The following ADGB variants were observed in gnomAD, a reference collection of about 807,000 sequenced individuals.
The protein encoded by ADGB is androglobin, also known as calpain-7-like protein.
Under a neutral mutation model 210.5 loss-of-function variants are expected in ADGB, and 172 were observed. The observed-to-expected ratio is 0.82, with a 90% CI of 0.72 to 0.93. ADGB has a LOEUF of 0.93. Among genes scored for constraint, ADGB ranks in the 40% least tolerant of loss-of-function variants. The pLI is 0.00. For missense variants in ADGB, 2,025 were observed against 1,964.8 expected (o/e 1.03, Z -0.58); for synonymous variants, 658 against 662.7 (o/e 0.99, Z 0.11).
chr6:146,617,779 T>C (rs1463045050), intron 1 of ADGB, among the ~76,000 whole-genome samples: 1 of 152,134 alleles, frequency 6.6e-6, no homozygotes, highest in Non-Finnish European at 1.5e-5. Flanking sequence ...CAAGCATCCC[T>C]GGGCTGAATC....
intron 9 of ADGB, among the ~76,000 whole-genome samples, chr6:146,684,458 C>A (rs1562273665): frequency 6.6e-6 from 1 of 151,982 alleles, no homozygotes; most frequent in Non-Finnish European, 1.5e-5. Context: ...AGTAACTGGA[C>A]TGTAAATTAC....
intron 8 of ADGB, among the ~76,000 whole-genome samples, chr6:146,675,510 A>G (rs1449892276): frequency 6.6e-6 from 1 of 151,920 alleles, no homozygotes; most frequent in Non-Finnish European, 1.5e-5. Flanking sequence ...AAACATGTCT[A>G]TTTTGGATGT....
At chr6:146,812,053 C>A (rs373286109) in intron 35 of ADGB, among the ~76,000 whole-genome samples, 2 of 139,740 alleles carry the variant, frequency 1.4e-5, no homozygotes, top group African/African-American at 5.2e-5. Context: ...CTGATAGTTT[C>A]TTTGTAGCTT....
At chr6:146,766,527 A>G (rs1251053583) in intron 28 of ADGB, among the ~76,000 whole-genome samples, 1 of 151,854 alleles carries the variant, frequency 6.6e-6, no homozygotes, top group Non-Finnish European at 1.5e-5. Flanking sequence ...AGGGTGGGGG[A>G]GAGGAGAAAT....
At chr6:146,643,380 C>A (rs1342185191) in intron 2 of ADGB, among the ~76,000 whole-genome samples, 2 of 151,794 alleles carry the variant, frequency 1.3e-5, no homozygotes, top group Non-Finnish European at 2.9e-5. Flanking sequence ...TTCTTCCTGT[C>A]CTTATTAACT....
At chr6:146,625,335 G>C (rs749991746) in intron 1 of ADGB, among the ~76,000 whole-genome samples, 1 of 151,870 alleles carries the variant, frequency 6.6e-6, no homozygotes, top group Non-Finnish European at 1.5e-5. Context: ...TTTATTACTG[G>C]TAATATTCTT....
intron 35 of ADGB, among the ~76,000 whole-genome samples, chr6:146,807,144 TAAA>T (rs745894150): frequency 6.6e-6 from 1 of 152,096 alleles, no homozygotes; most frequent in Admixed American, 6.6e-5. Flanking sequence ...ATACCTTTGG[TAAA>T]AAAAAGTATG....
At chr6:146,673,336 T>A (rs1326653135) in intron 8 of ADGB, among the ~76,000 whole-genome samples, 1 of 152,176 alleles carries the variant, frequency 6.6e-6, no homozygotes, top group Non-Finnish European at 1.5e-5. Flanking sequence ...CTGTGAGTCA[T>A]GACTGGCAAG....
chr6:146,647,959 T>C lies in ADGB; in HGVS notation c.330+3094T>C, dbSNP rs370698467. ...CTAGAAAATAATTTAAAAATATATA[T>C]AGTCAACTTTATCACATACAAAGGT... On this transcript the variant is annotated intron_variant, in intron 3 of 35. Coordinates refer to ENST00000397944, the MANE Select transcript of ADGB (RefSeq NM_024694.4). Among the ~76,000 whole-genome samples the C allele has an allele frequency of 7.9e-5, 12 of 152,054 alleles. No individual in the cohort carries two copies. The East Asian group carries it at 1.2e-3, about 15-fold the overall frequency.
intron 16 of ADGB, among the ~76,000 whole-genome samples, 200 bp downstream of exon 16, chr6:146,717,799 A>AT (rs1408159563): frequency 6.6e-6 from 1 of 152,242 alleles, no homozygotes; most frequent in African/African-American, 2.4e-5. Flanking sequence ...AATGTGATCC[A>AT]TCTGACTATG....
At chr6:146,725,315 T>G (rs1182039195) in intron 18 of ADGB, 1 of 152,254 alleles carries the variant, frequency 6.6e-6, no homozygotes, top group Non-Finnish European at 1.5e-5. Context: ...TCCAGAGCCA[T>G]GGACTGGTCC....
At chr6:146,698,442 C>A (rs931164671) in intron 12 of ADGB, among the ~76,000 whole-genome samples, 2 of 152,116 alleles carry the variant, frequency 1.3e-5, no homozygotes, top group African/African-American at 4.8e-5. Context: ...TTTAGATACT[C>A]TTTACATCAC....
At chr6:146,790,005 C>G (rs1293412365) in intron 33 of ADGB, among the ~76,000 whole-genome samples, 1 of 152,090 alleles carries the variant, frequency 6.6e-6, no homozygotes, top group Admixed American at 6.6e-5. Flanking sequence ...ATTCTGATAT[C>G]AAATTATTTA....
intron 5 of ADGB, among the ~76,000 whole-genome samples, chr6:146,657,806 A>G (rs1775806020): frequency 6.6e-6 from 1 of 152,210 alleles, no homozygotes; most frequent in South Asian, 2.1e-4. Context: ...TCATGTAAGC[A>G]AATCTTACCC....
chr6:146,784,620 A>G lies in ADGB; in HGVS notation c.4038A>G (p.Ile1346Met). Residue 1346 changes from isoleucine (I) to methionine (M), a missense_variant and splice_region_variant, in exon 31 of 36, where the codon ATA becomes ATG. By Grantham distance (10) the Ile-to-Met change is conservative (BLOSUM62 1). Transcript: ENST00000397944. Reference protein sequence around the residue: ...EKQAPRFEPQISTVHPQQEDP... With the variant: ...EKQAPRFEPQMSTVHPQQEDP... ...CCCAAAGGTTTTTATTTTATCAGAT[A>G]TCCACTGTTCACCCTCAACAAGAAG... The G allele has an allele frequency of 6.5e-7, 1 of 1,535,772 alleles. No individual in the cohort carries two copies. The highest frequency in any genetic ancestry group is 8.8e-7 in the Non-Finnish European group (1 of 1,140,976).
chr6:146,804,436 AAATTCAAG>A (rs1334096375), intron 35 of ADGB, among the ~76,000 whole-genome samples: 1 of 152,078 alleles, frequency 6.6e-6, no homozygotes, highest in Admixed American at 6.5e-5. Context: ...CTCTAAATCC[AAATTCAAG>A]AATGCTTGCC....
intron 13 of ADGB, among the ~76,000 whole-genome samples, chr6:146,702,455 A>C (rs1482838834): frequency 6.6e-6 from 1 of 151,912 alleles, no homozygotes; most frequent in East Asian, 1.9e-4. Flanking sequence ...GAACAGTAGG[A>C]TGCTGAGCTT....
intron 1 of ADGB, among the ~76,000 whole-genome samples, chr6:146,602,310 C>T (rs933339294): frequency 3.9e-5 from 6 of 152,088 alleles, no homozygotes; most frequent in Non-Finnish European, 1.5e-5. Context: ...TTTATATTTT[C>T]CTCCAGTTCT....
intron 3 of ADGB, 55 bp downstream of exon 3, chr6:146,644,920 A>G: frequency 9.0e-7 from 1 of 1,106,640 alleles, no homozygotes; most frequent in Non-Finnish European, 1.2e-6. Flanking sequence ...GTATTATCCT[A>G]CTGATAAAAA....
Sources: allele counts gnomAD v4.1 joint callset (sites outside exome capture counted in the v4.1 genomes callset), GRCh38; gene constraint gnomAD v4.1.1; transcripts MANE v1.5; gene names NCBI Gene and HGNC (gene_info 2026-07-23, HGNC 2026-07-21).